The following SRGAP3 variants were observed in gnomAD, a reference collection of about 807,000 sequenced individuals.
SRGAP3 encodes SLIT-ROBO Rho GTPase activating protein 3.
A neutral mutation model predicts 121.1 loss-of-function variants in SRGAP3; 39 were observed. That is an observed-to-expected ratio of 0.32 (90% CI 0.25 to 0.42). The LOEUF (loss-of-function observed/expected upper bound fraction) is 0.42. Among genes scored for constraint, SRGAP3 ranks in the 10% least tolerant of loss-of-function variants. SRGAP3 has a pLI of 1.00. For missense variants in SRGAP3, 1,213 were observed against 1,470.6 expected (o/e 0.82, Z 2.86); for synonymous variants, 601 against 570.0 (o/e 1.05, Z -0.77).
chr3:9,347,399 T>C (rs1381701691), intron 1 of SRGAP3, among the ~76,000 whole-genome samples: 2 of 152,206 alleles, frequency 1.3e-5, no homozygotes, highest in African/African-American at 4.8e-5. Context: ...AGGGCAACTT[T>C]CAGTTTTTCA....
chr3:9,349,140 C>G (rs2029924095), intron 1 of SRGAP3: 1 of 784,160 alleles, frequency 1.3e-6, no homozygotes, highest in Non-Finnish European at 2.3e-6. Flanking sequence ...GATGAAGAGA[C>G]CATGCGTAAA....
intron 1 of SRGAP3, among the ~76,000 whole-genome samples, chr3:9,139,452 T>C (rs1244966842): frequency 6.6e-6 from 1 of 152,170 alleles, no homozygotes; most frequent in African/African-American, 2.4e-5. Flanking sequence ...GAGGAGGCAG[T>C]GTGACCATAG....
intron 3 of SRGAP3, among the ~76,000 whole-genome samples, chr3:9,283,261 G>C (rs1224026050): frequency 1.3e-5 from 2 of 152,134 alleles, no homozygotes; most frequent in Admixed American, 6.5e-5. Context: ...TTAAAGACTA[G>C]TTGCATGTAG....
At position 9,255,312 on chromosome 3, in the gene SRGAP3, T is replaced by C. The variant is rs564270113; in HGVS notation, n.442+70698A>G. 2.6e-5 allele frequency among the ~76,000 whole-genome samples: 4 copies of C among 152,316 alleles called. No individual in the cohort carries two copies. In the South Asian group the frequency reaches 8.3e-4, roughly 32 times the overall value. On this transcript the variant is annotated intron_variant and non_coding_transcript_variant, in intron 3 of 3. Coordinates refer to the SRGAP3 transcript ENST00000490889. ...AAATGTTAGCCCACCTCACTCATAATGAACACAAGTCAGGCATGACTGGAA... is the reference window on the plus strand; with the variant it reads ...AAATGTTAGCCCACCTCACTCATAACGAACACAAGTCAGGCATGACTGGAA...
chr3:9,089,878 C>T (rs1050891440), intron 3 of SRGAP3, among the ~76,000 whole-genome samples: 2 of 152,076 alleles, frequency 1.3e-5, no homozygotes, highest in African/African-American at 4.8e-5. Flanking sequence ...TTCTTTGGGA[C>T]GTTTCTCATA....
chr3:9,344,823 T>C (rs1955855867), intron 1 of SRGAP3, among the ~76,000 whole-genome samples: 1 of 151,874 alleles, frequency 6.6e-6, no homozygotes, highest in Admixed American at 6.6e-5. Context: ...GATCACGAGG[T>C]CAGGAAATCA....
At chr3:9,233,360 A>G (rs1055722730) in intron 1 of SRGAP3, among the ~76,000 whole-genome samples, 3 of 152,094 alleles carry the variant, frequency 2.0e-5, no homozygotes, top group African/African-American at 7.2e-5. Flanking sequence ...TTCTTGTCTC[A>G]TCTATCTCTG....
intron 10 of SRGAP3, among the ~76,000 whole-genome samples, chr3:9,041,150 A>T (rs1944994045): frequency 6.6e-6 from 1 of 152,270 alleles, no homozygotes; most frequent in Admixed American, 6.5e-5. Context: ...TTCCTGTCAC[A>T]ACAGATGAGC....
intron 10 of SRGAP3, among the ~76,000 whole-genome samples, chr3:9,041,579 C>T (rs530424173): frequency 2.6e-5 from 4 of 152,334 alleles, no homozygotes; most frequent in African/African-American, 9.6e-5. Flanking sequence ...CCTCCATATC[C>T]TCAGTTTAAA....
chr3:9,079,916 G>C lies in SRGAP3; in HGVS notation c.486+109C>G. 5 of 1,179,304 alleles carry C rather than the reference G, an allele frequency of 4.2e-6. No homozygotes were observed. In the South Asian group the frequency reaches 5.4e-5, roughly 13 times the overall value. The allele number at this position is 1,179,304 out of a possible 1,614,324, so 73.1% of individuals were successfully genotyped here. A position where few individuals can be genotyped will look rare whatever the true frequency, so the allele number is the denominator to read the frequency against. ...CCACTGTCACTCAGCATAAAACGCA[G>C]CAAAAAAGGCCTGGGGTCATTCCAG... On this transcript the variant is annotated intron_variant, in intron 4 of 21. Coordinates refer to ENST00000383836, the MANE Select transcript of SRGAP3 (RefSeq NM_014850.4).
intron 1 of SRGAP3, among the ~76,000 whole-genome samples, chr3:9,356,389 T>G (rs1488116106): frequency 1.6e-5 from 1 of 64,370 alleles, no homozygotes; most frequent in Non-Finnish European, 2.7e-5. Context: ...TTTTTTTTTT[T>G]TGAGACAGAG....
At chr3:9,184,948 GC>G (rs1348883265) in intron 1 of SRGAP3, among the ~76,000 whole-genome samples, 1 of 152,154 alleles carries the variant, frequency 6.6e-6, no homozygotes, top group Admixed American at 6.5e-5. Flanking sequence ...TTGTTCCCAA[GC>G]CCTGGGCTGG....
chr3:9,060,455 G>A lies in SRGAP3; in HGVS notation c.673-96C>T, dbSNP rs1575001393. The A allele has an allele frequency of 6.0e-6, 7 of 1,165,732 alleles. No individual in the cohort carries two copies. In the East Asian group the frequency reaches 1.3e-4, roughly 21 times the overall value. The allele number at this position is 1,165,732 out of a possible 1,614,324, so 72.2% of individuals were successfully genotyped here. The stretch of plus-strand genomic sequence containing the variant: ...TTTTTTTTTTTTTTTGAGACAGGGT[G>A]TTGCTCTGTCACCCAGGTGAGAGTG... On this transcript the variant is annotated intron_variant, in intron 5 of 21. Coordinates refer to ENST00000383836, the MANE Select transcript of SRGAP3 (RefSeq NM_014850.4).
At chr3:9,096,937 GTATATA>G (rs58305278) in intron 3 of SRGAP3, among the ~76,000 whole-genome samples, 5,619 of 61,020 alleles carry the variant, frequency 0.092, 255 homozygotes, top group East Asian at 0.21. Flanking sequence ...ACATTATTTT[GTATATA>G]TATATATATA....
In SRGAP3 at chr3:9,213,926, A is replaced by G. The variant is rs969546186; in HGVS notation, c.67+34959T>C. On this transcript the variant is annotated intron_variant, in intron 1 of 21. Transcript: ENST00000383836. ...TGGATTCTCTTTACCTGCTTTTCAC[A>G]TGACATTTCAATATCAGCTTACAGA... Among the ~76,000 whole-genome samples, 23 of 152,068 alleles carry G rather than the reference A, an allele frequency of 1.5e-4. 1 individual carries two copies. The highest frequency in any genetic ancestry group is 2.5e-4 in the Non-Finnish European group (17 of 68,030).
At chr3:9,079,255 T>A (rs1037563952) in intron 4 of SRGAP3, among the ~76,000 whole-genome samples, 1 of 152,156 alleles carries the variant, frequency 6.6e-6, no homozygotes, top group African/African-American at 2.4e-5. Flanking sequence ...TTGGGTAGGA[T>A]TGAGGGGCCT....
At chr3:9,226,877 C>T (rs187548394) in intron 1 of SRGAP3, among the ~76,000 whole-genome samples, 2 of 152,308 alleles carry the variant, frequency 1.3e-5, no homozygotes, top group East Asian at 3.9e-4. Context: ...ACAGATGGCA[C>T]CATGAGCACC....
intron 3 of SRGAP3, among the ~76,000 whole-genome samples, chr3:9,316,357 T>TA (rs879391500): frequency 5.3e-4 from 72 of 135,582 alleles, no homozygotes; most frequent in African/African-American, 9.2e-4. Flanking sequence ...CCTTCTTGGT[T>TA]AAAAAAAAAA....
chr3:9,046,137 T>C (rs1012209934), intron 10 of SRGAP3, among the ~76,000 whole-genome samples: 2 of 147,812 alleles, frequency 1.4e-5, no homozygotes, highest in African/African-American at 5.0e-5. Flanking sequence ...TCAATGAGTT[T>C]TAACAAATGT....
Sources: gnomAD v4.1 joint callset for allele counts (sites outside exome capture counted in the v4.1 genomes callset) on GRCh38, gnomAD v4.1.1 for gene constraint, MANE v1.5 for transcripts, NCBI Gene and HGNC (gene_info 2026-07-23, HGNC 2026-07-21) for gene names.